The following ANAPC16 variants were observed in gnomAD, a reference collection of about 807,000 sequenced individuals.
The protein encoded by ANAPC16 is anaphase-promoting complex subunit 16.
A neutral mutation model predicts 13.1 loss-of-function variants in ANAPC16; 6 were observed. The ratio of observed to expected loss-of-function variants is 0.46; its 90% CI spans 0.25 to 0.90. ANAPC16 has a LOEUF of 0.90. ANAPC16 is among the 40% of genes least tolerant of loss of function. ANAPC16 has a pLI of 0.18. For synonymous variants in ANAPC16, 55 were observed against 51.3 expected (o/e 1.07, Z -0.31); for missense variants, 113 against 131.1 (o/e 0.86, Z 0.67).
intron 2 of ANAPC16, among the ~76,000 whole-genome samples, chr10:72,228,009 C>T (rs543013340): frequency 2.1e-5 from 3 of 146,190 alleles, no homozygotes; most frequent in South Asian, 2.2e-4. Flanking sequence ...CCAGCCTGGG[C>T]GACAGAGCGA....
At chr10:72,232,798 G>T (rs1007116235) in intron 3 of ANAPC16, among the ~76,000 whole-genome samples, 1 of 151,834 alleles carries the variant, frequency 6.6e-6, no homozygotes, top group African/African-American at 2.4e-5. Context: ...TAGAGATGGG[G>T]TTTCACCATA....
chr10:72,233,584 A>G lies in ANAPC16; in HGVS notation c.*468A>G, dbSNP rs993266075. 2.6e-5 allele frequency: 4 copies of G among 152,078 alleles called. No individual in the cohort carries two copies. The highest frequency in any genetic ancestry group is 5.9e-5 in the Non-Finnish European group (4 of 67,698). The allele number at this position is 152,078 out of a possible 1,614,324, so 9.4% of individuals were successfully genotyped here. The stretch of plus-strand genomic sequence containing the variant: ...GTGTTTTCAACTCAGGACCTATCCA[A>G]ATGAGGAATTTTTAAATATTCTTTT... On this transcript the variant is annotated 3_prime_UTR_variant, in exon 4 of 4. Coordinates refer to ENST00000299381, the MANE Select transcript of ANAPC16 (RefSeq NM_173473.4).
intron 2 of ANAPC16, among the ~76,000 whole-genome samples, chr10:72,227,345 A>G (rs910389499): frequency 8.5e-5 from 13 of 152,254 alleles, no homozygotes; most frequent in South Asian, 6.2e-4. Flanking sequence ...TTCCATCTCA[A>G]TATGCTTCAT....
intron 2 of ANAPC16, among the ~76,000 whole-genome samples, chr10:72,228,898 A>T (rs951482504): frequency 1.3e-5 from 2 of 152,210 alleles, no homozygotes; most frequent in Non-Finnish European, 2.9e-5. Flanking sequence ...ATTAAATGCA[A>T]GTGAGAGGTG....
chr10:72,226,715 G>A (rs1338511035), intron 2 of ANAPC16, among the ~76,000 whole-genome samples: 8 of 151,958 alleles, frequency 5.3e-5, no homozygotes, highest in African/African-American at 1.9e-4. Context: ...GTTGGCCTTG[G>A]GGGTGATGAA....
At position 72,228,010 on chromosome 10, in the gene ANAPC16, G is replaced by A. The variant is rs557479010; in HGVS notation, c.143-2356G>A. ...CATGCCACTGCCCCCCAGCCTGGGC[G>A]ACAGAGCGAGACTTGGTTTAAAAAA... On this transcript the variant is annotated intron_variant, in intron 2 of 3. Coordinates refer to ENST00000299381, the MANE Select transcript of ANAPC16 (RefSeq NM_173473.4). Among the ~76,000 whole-genome samples the A allele has an allele frequency of 5.0e-3, 758 of 150,392 alleles. 6 individuals carry two copies. Among genetic ancestry groups the A allele is most frequent in the Non-Finnish European group, 7.7e-3 (520 of 67,792 alleles).
chr10:72,218,454 C>A (rs1216495809), intron 1 of ANAPC16, among the ~76,000 whole-genome samples: 1 of 151,776 alleles, frequency 6.6e-6, no homozygotes, highest in Non-Finnish European at 1.5e-5. Flanking sequence ...AATAACATAC[C>A]AACAAGCCAT....
intron 2 of ANAPC16, among the ~76,000 whole-genome samples, chr10:72,229,284 T>C (rs963245856): frequency 6.6e-6 from 1 of 150,836 alleles, no homozygotes; most frequent in African/African-American, 2.5e-5. Context: ...GCCCTCTTGG[T>C]TATATATTCA....
At chr10:72,224,720 T>A (rs1860064088) in intron 2 of ANAPC16, among the ~76,000 whole-genome samples, 1 of 152,128 alleles carries the variant, frequency 6.6e-6, no homozygotes, top group African/African-American at 2.4e-5. Context: ...GTAGTAGGTT[T>A]GATGTATTTT....
At chr10:72,230,525 AG>A in intron 3 of ANAPC16, 85 bp downstream of exon 3, 1 of 1,148,150 alleles carries the variant, frequency 8.7e-7, no homozygotes, top group Admixed American at 1.8e-5. Context: ...CCCCAAACTC[AG>A]CAAGGCTATT....
chr10:72,232,826 G>A (rs1860363652), intron 3 of ANAPC16, among the ~76,000 whole-genome samples, 175 bp from the exon 4 acceptor site: 2 of 151,862 alleles, frequency 1.3e-5, no homozygotes, highest in South Asian at 2.1e-4. Context: ...GGATGGTCTC[G>A]ATCTCTTGAC....
intron 1 of ANAPC16, 26 bp from the exon 2 acceptor site, chr10:72,223,862 C>A: frequency 1.4e-6 from 2 of 1,467,898 alleles, no homozygotes; most frequent in African/African-American, 1.4e-5. Context: ...ATAAACTTGC[C>A]AATTGCTGTT....
intron 2 of ANAPC16, among the ~76,000 whole-genome samples, chr10:72,227,330 TTTTA>T (rs567637418): frequency 4.3e-4 from 66 of 152,344 alleles, no homozygotes; most frequent in Admixed American, 7.8e-4. Flanking sequence ...ATCTATCCAT[TTTTA>T]TTCCATCTCA....
Position 72,230,351 on chromosome 10 carries a change from T to C in ANAPC16, c.143-15T>C. 1 of 1,611,752 alleles carries C rather than the reference T, an allele frequency of 6.2e-7. No homozygotes were observed. Among genetic ancestry groups the C allele is most frequent in the South Asian group, 1.1e-5 (1 of 91,012 alleles). On this transcript the variant is annotated splice_polypyrimidine_tract_variant and intron_variant, in intron 2 of 3. Transcript: ENST00000299381. ...CTTTAGAGCAGATTAAAACCTTTTC[T>C]CCTTTTGTTTGTAGATGGCTCTGAG...
intron 1 of ANAPC16, among the ~76,000 whole-genome samples, chr10:72,218,145 C>CAAAAAAAA (rs142932037): frequency 2.9e-5 from 1 of 34,878 alleles, no homozygotes; most frequent in African/African-American, 2.4e-4. Context: ...AACTCTGTCT[C>CAAAAAAAA]AAAAAAAAAA....
intron 3 of ANAPC16, among the ~76,000 whole-genome samples, chr10:72,232,238 A>AAG (rs1467673363): frequency 6.6e-5 from 10 of 150,674 alleles, no homozygotes; most frequent in African/African-American, 2.4e-4. Flanking sequence ...AGCATAGAAT[A>AAG]AGACCCCATT....
chr10:72,233,258 A>G lies in ANAPC16; in HGVS notation c.*142A>G, dbSNP rs79296695. 2.7e-3 allele frequency: 1,665 copies of G among 605,620 alleles called. 20 individuals carry two copies. Among genetic ancestry groups the G allele is most frequent in the African/African-American group, 0.026 (1,435 of 54,268 alleles). The allele number at this position is 605,620 out of a possible 1,614,324, so 37.5% of individuals were successfully genotyped here. ...ATTTGTACTTGGTTTCTCTGTATCT[A>G]TTCACAGGCAACAAATACTTATATG... On this transcript the variant is annotated 3_prime_UTR_variant, in exon 4 of 4. Transcript: ENST00000299381.
At chr10:72,229,788 C>G (rs946826800) in intron 2 of ANAPC16, among the ~76,000 whole-genome samples, 4 of 152,156 alleles carry the variant, frequency 2.6e-5, no homozygotes, top group African/African-American at 7.2e-5. Context: ...GCACCATACT[C>G]TTATCGTCAT....
At chr10:72,217,116 C>G (rs986523563) in intron 1 of ANAPC16, 1 of 451,876 alleles carries the variant, frequency 2.2e-6, no homozygotes, top group African/African-American at 2.0e-5. Context: ...GTTCTGTGCT[C>G]GGCATTGAGG....
Sources: allele counts gnomAD v4.1 joint callset (sites outside exome capture counted in the v4.1 genomes callset), GRCh38; gene constraint gnomAD v4.1.1; transcripts MANE v1.5; gene names NCBI Gene and HGNC (gene_info 2026-07-23, HGNC 2026-07-21).